Variants in MTA3 observed in about 807,000 individuals in gnomAD.
MTA3 encodes metastasis-associated protein MTA3.
In MTA3, 34 loss-of-function variants were observed where a neutral mutation model predicts 83.5. That is an observed-to-expected ratio of 0.41 (90% CI 0.31 to 0.54). The LOEUF is 0.54. Ranked by LOEUF, MTA3 falls within the 20% of genes least tolerant of loss-of-function variation. The pLI is 0.33. For missense variants in MTA3, 761 were observed against 726.4 expected (o/e 1.05, Z -0.55); for synonymous variants, 303 against 252.7 (o/e 1.20, Z -1.89).
At chr2:42,736,401 C>A (rs913253990) in intron 16 of MTA3, among the ~76,000 whole-genome samples, 3 of 152,182 alleles carry the variant, frequency 2.0e-5, no homozygotes, top group Non-Finnish European at 4.4e-5. Context: ...CAACACAGCA[C>A]TGGGGCTCAC....
chr2:42,719,107 G>A (rs940170289), intron 15 of MTA3, 33 bp downstream of exon 15: 11 of 1,453,158 alleles, frequency 7.6e-6, no homozygotes, highest in Non-Finnish European at 1.0e-5. Flanking sequence ...AAAACTCAAA[G>A]AGCAATTTCT....
At chr2:42,641,243 A>G (rs908388714) in intron 5 of MTA3, among the ~76,000 whole-genome samples, 2 of 149,202 alleles carry the variant, frequency 1.3e-5, no homozygotes, top group African/African-American at 2.5e-5. Flanking sequence ...CTTATACTCA[A>G]GTGTTGCCCA....
intron 3 of MTA3, 37 bp downstream of exon 3, chr2:42,579,237 G>T (rs750081960): frequency 6.8e-7 from 1 of 1,468,814 alleles, no homozygotes; most frequent in South Asian, 1.3e-5. Context: ...AACGTTTTAA[G>T]TCTTGTGTTT....
At chr2:42,697,039 T>C (rs1241043132) in intron 10 of MTA3, among the ~76,000 whole-genome samples, 1 of 152,214 alleles carries the variant, frequency 6.6e-6, no homozygotes, top group African/African-American at 2.4e-5. Context: ...CCCTAAGTAT[T>C]TCTGTTTTCT....
At chr2:42,548,349 C>T (rs1342221716) in intron 2 of MTA3, among the ~76,000 whole-genome samples, 8 of 152,060 alleles carry the variant, frequency 5.3e-5, no homozygotes, top group Admixed American at 5.2e-4. Context: ...ACCTGCGATC[C>T]CAGCTACTCA....
chr2:42,509,709 T>G (rs58044924), intron 2 of MTA3, among the ~76,000 whole-genome samples: 33,410 of 151,804 alleles, frequency 0.22, 3,753 homozygotes, highest in South Asian at 0.26. Flanking sequence ...GGGTTGAGGC[T>G]GCAGTGAGCC....
chr2:42,639,442 T>G (rs1573426106), intron 4 of MTA3, among the ~76,000 whole-genome samples: 1 of 152,110 alleles, frequency 6.6e-6, no homozygotes. Context: ...CTAGTTAGGG[T>G]CATTTTGAAA....
At chr2:42,650,791 A>G (rs1005947915) in intron 6 of MTA3, among the ~76,000 whole-genome samples, 1 of 152,180 alleles carries the variant, frequency 6.6e-6, no homozygotes, top group Non-Finnish European at 1.5e-5. Context: ...ATATATTGTA[A>G]TCTTATCCAG....
At chr2:42,615,437 C>T (rs1684746235) in intron 4 of MTA3, among the ~76,000 whole-genome samples, 1 of 151,844 alleles carries the variant, frequency 6.6e-6, no homozygotes. Flanking sequence ...TTCACTGCAA[C>T]CTCTGCCTCC....
intron 3 of MTA3, among the ~76,000 whole-genome samples, chr2:42,580,166 G>A (rs992374367): frequency 6.6e-6 from 1 of 151,950 alleles, no homozygotes; most frequent in Non-Finnish European, 1.5e-5. Flanking sequence ...AGGCTGGTCT[G>A]GAACTCTTGG....
At chr2:42,706,469 T>A (rs1008797697) in intron 12 of MTA3, among the ~76,000 whole-genome samples, 1 of 152,218 alleles carries the variant, frequency 6.6e-6, no homozygotes, top group Non-Finnish European at 1.5e-5. Flanking sequence ...ACAGTGTTAT[T>A]CCCGATAAAC....
At chr2:42,681,063 A>G (rs1209110796) in intron 8 of MTA3, among the ~76,000 whole-genome samples, 1 of 152,208 alleles carries the variant, frequency 6.6e-6, no homozygotes, top group East Asian at 1.9e-4. Context: ...TAAGTAAGCT[A>G]GACCTAAGTA....
chr2:42,631,285 A>G (rs1369318836), intron 4 of MTA3, among the ~76,000 whole-genome samples: 2 of 152,226 alleles, frequency 1.3e-5, no homozygotes, highest in Admixed American at 6.5e-5. Context: ...GTAAGTGGAG[A>G]AAAATCCTGT....
In MTA3 at chr2:42,718,970, GTTTC is replaced by G; in HGVS notation, c.1526-12_1526-9del. The G allele has an allele frequency of 6.5e-7, 1 of 1,536,752 alleles. No homozygotes were observed. The highest frequency in any genetic ancestry group is 8.8e-7 in the Non-Finnish European group (1 of 1,134,636). On this transcript the variant is annotated splice_polypyrimidine_tract_variant and intron_variant, in intron 14 of 16. Coordinates refer to ENST00000405094, the MANE Select transcript of MTA3 (RefSeq NM_001330442.2). ...AATCCATTTCATTGGTTATCTCCAT[GTTTC>G]TTTCTCTCCTCAGATGCAGACAGAC... is the stretch of plus-strand genomic sequence containing the variant.
At chr2:42,548,809 A>ATATATATATATATATATAT (rs1558428116) in intron 2 of MTA3, among the ~76,000 whole-genome samples, 1 of 45,634 alleles carries the variant, frequency 2.2e-5, no homozygotes, top group Non-Finnish European at 3.7e-5. Context: ...TCTCAAAAAA[A>ATATATATATATATATATAT]AATATATATA....
chr2:42,502,039 G>A (rs1281392307), intron 2 of MTA3, among the ~76,000 whole-genome samples: 1 of 151,958 alleles, frequency 6.6e-6, no homozygotes, highest in East Asian at 1.9e-4. Flanking sequence ...ATGGCTTACA[G>A]GTAAGGGTTT....
At chr2:42,697,448 A>G (rs574195316) in intron 10 of MTA3, among the ~76,000 whole-genome samples, 1 of 152,354 alleles carries the variant, frequency 6.6e-6, no homozygotes, top group East Asian at 1.9e-4. Flanking sequence ...GTAATAAAGT[A>G]GAAACTAAAT....
intron 9 of MTA3, among the ~76,000 whole-genome samples, chr2:42,684,892 A>T (rs1197251148): frequency 6.6e-6 from 1 of 152,246 alleles, no homozygotes; most frequent in Non-Finnish European, 1.5e-5. Context: ...AGAGATTGAA[A>T]TATACACCCA....
intron 8 of MTA3, among the ~76,000 whole-genome samples, chr2:42,668,289 T>C (rs978929779): frequency 6.6e-6 from 1 of 152,238 alleles, no homozygotes; most frequent in Non-Finnish European, 1.5e-5. Flanking sequence ...GACAACTGAC[T>C]GATTTATTCA....
Sources: gnomAD v4.1 joint callset for allele counts (sites outside exome capture counted in the v4.1 genomes callset) on GRCh38, gnomAD v4.1.1 for gene constraint, MANE v1.5 for transcripts, NCBI Gene and HGNC (gene_info 2026-07-23, HGNC 2026-07-21) for gene names.